The following CEP290 variants were observed in gnomAD, a reference collection of about 807,000 sequenced individuals.
CEP290 encodes the protein centrosomal protein of 290 kDa.
Under a neutral mutation model 344.9 loss-of-function variants are expected in CEP290, and 317 were observed. The observed-to-expected ratio is 0.92, with a 90% CI of 0.84 to 1.01. CEP290 has a LOEUF of 1.01. CEP290 is among the 50% of genes least tolerant of loss of function. The probability of loss-of-function intolerance (pLI) is 0.00; values close to 1 mark genes in which losing one functional copy is unlikely to be tolerated. For synonymous variants in CEP290, 932 were observed against 895.8 expected, an observed-to-expected ratio of 1.04 and a Z score of -0.72; for missense variants, 2,754 against 2,761.4, an observed-to-expected ratio of 1.00 and a Z score of 0.06.
Position 88,129,871 on chromosome 12 carries a change from T to A in CEP290, c.675A>T (p.Leu225Phe). 6.9e-7 allele frequency: 1 copy of A among 1,445,536 alleles called. No homozygotes were observed. Among genetic ancestry groups the A allele is most frequent in the Non-Finnish European group, 9.1e-7 (1 of 1,096,218 alleles). The allele number at this position is 1,445,536 out of a possible 1,614,324, so 89.5% of individuals were successfully genotyped here. ...CTTCAATTTTCTCATTAGCTTCTGT[T>A]AAAGTCTAAAAAAGTTAAAGACACT... is the stretch of plus-strand genomic sequence containing the variant. ...LIQYLDEIQT[L>F]TEANEKIEVQ... The change falls in exon 10 of 54, where the codon TTA becomes TTT. Residue 225 changes from leucine to phenylalanine, a missense_variant. Leu to Phe is a conservative substitution (Grantham distance 22). Coordinates refer to ENST00000552810, the MANE Select transcript of CEP290 (RefSeq NM_025114.4).
chr12:88,090,113 G>A (rs964675835), intron 30 of CEP290, among the ~76,000 whole-genome samples: 6 of 152,028 alleles, frequency 3.9e-5, no homozygotes, highest in East Asian at 1.9e-4. Flanking sequence ...CATATATAAC[G>A]TAAGAATATG....
chr12:88,105,973 T>C (rs899314509), intron 25 of CEP290, among the ~76,000 whole-genome samples: 2 of 152,090 alleles, frequency 1.3e-5, no homozygotes, highest in African/African-American at 4.8e-5. Context: ...CTATATTGCC[T>C]AGGCTGGTCT....
rs138474615 is a variant in CEP290, at chr12:88,104,919, G to C, written c.2817+1756C>G. Among the ~76,000 whole-genome samples, 834 of 152,078 alleles carry C rather than the reference G, an allele frequency of 5.5e-3. 14 individuals are homozygous for C. The highest frequency in any genetic ancestry group is 0.019 in the African/African-American group (781 of 41,500). On this transcript the variant is annotated intron_variant, in intron 25 of 53. Transcript: ENST00000552810. ...AATCAAAGAAGCTTAGTAAAAATCC[G>C]ATACTATTTACTTACCCCATAATGT...
In CEP290 at chr12:88,130,356, A is replaced by C; in HGVS notation, c.581T>G (p.Leu194Arg). 1 of 1,610,894 alleles carries C rather than the reference A, an allele frequency of 6.2e-7. No homozygotes were observed. The highest frequency in any genetic ancestry group is 2.2e-5 in the East Asian group (1 of 44,666). ...ACTGTCTTCCCCTCTTCTTGATAAA[A>C]GTGTTTCTTTCTGTGAATCTATTTG... is the stretch of plus-strand genomic sequence containing the variant. ...QKQIDSQKET[L>R]LSRRGEDSDY... The change falls in exon 9 of 54, where the codon CTT (leucine) becomes CGT (arginine). Residue 194 changes from leucine (L) to arginine (R), a missense_variant. Physicochemically the swap from Leu to Arg is moderately radical, Grantham distance 102. Coordinates refer to ENST00000552810, the MANE Select transcript of CEP290 (RefSeq NM_025114.4).
At chr12:88,133,834 A>T (rs1001818075) in intron 6 of CEP290, among the ~76,000 whole-genome samples, 2 of 152,188 alleles carry the variant, frequency 1.3e-5, no homozygotes, top group African/African-American at 4.8e-5. Context: ...TGTGTTCTGA[A>T]TTGGGAAATT....
chr12:88,097,050 T>C (rs1016828442), intron 26 of CEP290, 51 bp from the exon 27 acceptor site: 38 of 872,650 alleles, frequency 4.4e-5, no homozygotes, highest in Admixed American at 8.1e-5. Context: ...TTCAGACCAA[T>C]ACCACAAAAT....
In CEP290 at chr12:88,053,746, T is replaced by C. The variant is rs760964107; in HGVS notation, c.7035A>G (p.Arg2345=). The C allele has an allele frequency of 4.1e-6, 6 of 1,460,566 alleles. No individual in the cohort carries two copies. The highest frequency in any genetic ancestry group is 5.6e-6 in the Non-Finnish European group (6 of 1,075,266). 90.5% of individuals were successfully genotyped at this position (1,460,566 alleles called of 1,614,324 possible). A position where few individuals can be genotyped will look rare whatever the true frequency, so the allele number is the denominator to read the frequency against. ...CTTTATCCAGCTGATGATTAGCTAA[T>C]CTAGAACACAATGATAATGTGTTAA... ...QGLKRELQVL[R]LANHQLDKEK... The change falls in exon 52 of 54, where the codon AGA becomes AGG. Residue 2345 remains arginine (R), a splice_region_variant and synonymous_variant. Transcript: ENST00000552810.
At chr12:88,100,197 G>A (rs74624277) in intron 26 of CEP290, among the ~76,000 whole-genome samples, 4 of 151,646 alleles carry the variant, frequency 2.6e-5, no homozygotes, top group East Asian at 1.9e-4. Flanking sequence ...TTGAACCTGG[G>A]AGGCAGAGGT....
chr12:88,050,364 T>C lies in CEP290; in HGVS notation c.7199A>G (p.Gln2400Arg). The change falls in exon 53 of 54, where the codon CAG becomes CGG. Residue 2400 changes from glutamine (Q) to arginine (R), a missense_variant. Gln to Arg is a conservative substitution (Grantham distance 43, BLOSUM62 1). Coordinates refer to ENST00000552810, the MANE Select transcript of CEP290 (RefSeq NM_025114.4). ...TQLKMSDLEK[Q>R]HLKEEIKKLK... The stretch of plus-strand genomic sequence containing the variant: ...ATAATTAAATATTACCTTCAAATGC[T>C]GCTTTTCTAGATCTGACATTTTGAG... 1 of 1,509,322 alleles carries C rather than the reference T, an allele frequency of 6.6e-7. No homozygotes were observed. Among genetic ancestry groups the C allele is most frequent in the Non-Finnish European group, 9.1e-7 (1 of 1,096,236 alleles). The allele number at this position is 1,509,322 out of a possible 1,614,324, so 93.5% of individuals were successfully genotyped here.
chr12:88,096,838 T>C lies in CEP290; in HGVS notation c.3103+50A>G, dbSNP rs1312185533. On this transcript the variant is annotated intron_variant, in intron 27 of 53. Coordinates refer to ENST00000552810, the MANE Select transcript of CEP290 (RefSeq NM_025114.4). ...AAAAAGGAACTTTAAATAAGAAATATTCATTATTAGATGTTAATCATTTTA... is the reference window on the plus strand; with the variant it reads ...AAAAAGGAACTTTAAATAAGAAATACTCATTATTAGATGTTAATCATTTTA... 10 of 896,234 alleles carry C rather than the reference T, an allele frequency of 1.1e-5. No homozygotes were observed. The Admixed American group carries it at 2.7e-4, about 24-fold the overall frequency. The allele number at this position is 896,234 out of a possible 1,614,324, so 55.5% of individuals were successfully genotyped here.
intron 43 of CEP290, among the ~76,000 whole-genome samples, chr12:88,070,138 G>A (rs1241324313): frequency 6.6e-6 from 1 of 152,168 alleles, no homozygotes; most frequent in Non-Finnish European, 1.5e-5. Context: ...GAAATGACAT[G>A]GGGTGATGCA....
chr12:88,124,991 C>A (rs975057760), intron 13 of CEP290, among the ~76,000 whole-genome samples: 1 of 151,826 alleles, frequency 6.6e-6, no homozygotes, highest in African/African-American at 2.4e-5. Context: ...TTTTTCATTT[C>A]TTTCATACCA....
At chr12:88,088,655 T>C (rs567424398) in intron 31 of CEP290, among the ~76,000 whole-genome samples, 2 of 152,262 alleles carry the variant, frequency 1.3e-5, no homozygotes, top group South Asian at 4.1e-4. Context: ...ATTTTTCATA[T>C]AGGCATATAT....
At chr12:88,116,897 C>T in intron 18 of CEP290, 136 bp downstream of exon 18, 1 of 468,264 alleles carries the variant, frequency 2.1e-6, no homozygotes, top group East Asian at 4.4e-5. Context: ...TGGCATGAAC[C>T]CGGGAGGCGG....
Position 88,080,344 on chromosome 12 carries a change from C to T in CEP290, c.5064G>A (p.Glu1688=). Residue 1688 remains glutamate, a synonymous_variant, in exon 38 of 54, where the codon GAG becomes GAA. Transcript: ENST00000552810. ...DEVKKVKAEV[E]DLKYLLDQSQ... ...ACTGGTCCAGAAGATACTTTAAATC[C>T]TCTACTTCCGCTTTTACTTTTTTCA... 6.2e-7 allele frequency: 1 copy of T among 1,613,566 alleles called. No homozygotes were observed. Among genetic ancestry groups the T allele is most frequent in the Non-Finnish European group, 8.5e-7 (1 of 1,179,704 alleles).
chr12:88,073,910 T>C (rs2035568648), intron 41 of CEP290, among the ~76,000 whole-genome samples: 1 of 152,180 alleles, frequency 6.6e-6, no homozygotes, highest in African/African-American at 2.4e-5. Flanking sequence ...TTAATTCAGC[T>C]AATAAGTGCC....
chr12:88,141,076 C>G (rs771840990), intron 2 of CEP290, 43 bp from the exon 3 acceptor site: 2 of 1,450,526 alleles, frequency 1.4e-6, no homozygotes, highest in Admixed American at 5.1e-5. Context: ...TTATAACCTT[C>G]AAGCAAAATA....
intron 52 of CEP290, among the ~76,000 whole-genome samples, chr12:88,052,417 C>A (rs1252330609): frequency 6.6e-6 from 1 of 152,122 alleles, no homozygotes; most frequent in African/African-American, 2.4e-5. Context: ...AATTTATGAA[C>A]AGACCTCAAA....
intron 29 of CEP290, among the ~76,000 whole-genome samples, chr12:88,092,227 A>C (rs991495988): frequency 6.6e-6 from 1 of 152,262 alleles, no homozygotes; most frequent in Non-Finnish European, 1.5e-5. Flanking sequence ...CGTGACTAGT[A>C]CATAGTAGAT....
Sources: allele counts gnomAD v4.1 joint callset (sites outside exome capture counted in the v4.1 genomes callset), GRCh38; gene constraint gnomAD v4.1.1; transcripts MANE v1.5; gene names NCBI Gene and HGNC (gene_info 2026-07-23, HGNC 2026-07-21).